The following ABCA12 variants were observed in gnomAD, a reference collection of about 807,000 sequenced individuals.
ABCA12 encodes the protein ATP binding cassette subfamily A member 12.
ABCA12 carries 156 observed loss-of-function variants against 293.5 expected under a neutral mutation model. That is an observed-to-expected ratio of 0.53 (90% CI 0.47 to 0.61). The LOEUF (loss-of-function observed/expected upper bound fraction) is 0.61. Ranked by LOEUF, ABCA12 falls within the 20% of genes least tolerant of loss-of-function variation. The probability of loss-of-function intolerance (pLI) is 0.00; values close to 1 mark genes in which losing one functional copy is unlikely to be tolerated. For missense variants in ABCA12, 2,797 were observed against 3,090.2 expected (o/e 0.91, Z 2.25); for synonymous variants, 1,063 against 1,108.0 (o/e 0.96, Z 0.81).
intron 26 of ABCA12, 75 bp downstream of exon 26, chr2:214,989,254 T>G: frequency 7.3e-7 from 1 of 1,371,654 alleles, no homozygotes; most frequent in Non-Finnish European, 9.7e-7. Context: ...AAATAAAATA[T>G]TAGAACATAT....
At chr2:214,981,081 T>C (rs1574959288) in intron 30 of ABCA12, among the ~76,000 whole-genome samples, 1 of 138,188 alleles carries the variant, frequency 7.2e-6, no homozygotes, top group African/African-American at 2.7e-5. Flanking sequence ...CGAGAGTCCA[T>C]CTCAAAGGGA....
intron 22 of ABCA12, among the ~76,000 whole-genome samples, chr2:214,998,777 G>A (rs1700085117): frequency 2.0e-5 from 3 of 152,110 alleles, no homozygotes; most frequent in Admixed American, 1.3e-4. Flanking sequence ...TGATGCTGCT[G>A]GTCCAGAGAC....
intron 40 of ABCA12, 104 bp downstream of exon 40, chr2:214,958,920 A>G: frequency 8.3e-7 from 1 of 1,209,774 alleles, no homozygotes; most frequent in South Asian, 1.2e-5. Context: ...GCCCTTCTAG[A>G]TTGACATTCA....
chr2:214,965,567 A>G lies in ABCA12; in HGVS notation c.5884+1281T>C, dbSNP rs536708350. 7.7e-4 allele frequency among the ~76,000 whole-genome samples: 117 copies of G among 152,300 alleles called. No homozygotes were observed. The Middle Eastern group carries it at 0.014, about 18-fold the overall frequency. On this transcript the variant is annotated intron_variant, in intron 39 of 52. Transcript: ENST00000272895. ...GGGAAGAAAACATTAAAAAGTGGGC[A>G]AAGGGCATGAACAGACACTTCTAAA...
intron 15 of ABCA12, 51 bp from the exon 16 acceptor site, chr2:215,012,186 T>C: frequency 6.4e-7 from 1 of 1,555,630 alleles, no homozygotes; most frequent in Non-Finnish European, 8.8e-7. Context: ...AATTGAATCC[T>C]CATGCATTGT....
chr2:214,950,354 A>G (rs114638207), intron 45 of ABCA12, among the ~76,000 whole-genome samples: 3,492 of 109,292 alleles, frequency 0.032, 149 homozygotes, highest in African/African-American at 0.093. Context: ...ATGTGTGTGT[A>G]TATATATATA....
chr2:215,059,994 A>C (rs1332012759), intron 3 of ABCA12, among the ~76,000 whole-genome samples: 1 of 151,962 alleles, frequency 6.6e-6, no homozygotes, highest in African/African-American at 2.4e-5. Flanking sequence ...GACACTCTTA[A>C]AAGCCTCTGA....
chr2:214,933,018 T>C (rs1424595245), intron 52 of ABCA12, among the ~76,000 whole-genome samples: 1 of 152,154 alleles, frequency 6.6e-6, no homozygotes, highest in Non-Finnish European at 1.5e-5. Context: ...TCTTAAGCCA[T>C]AGTTGACTAT....
chr2:215,069,985 G>T (rs1366878366), intron 2 of ABCA12, among the ~76,000 whole-genome samples: 1 of 152,178 alleles, frequency 6.6e-6, no homozygotes, highest in East Asian at 1.9e-4. Context: ...ACCCCTGGGG[G>T]AGTCCGAGGA....
Position 214,983,871 on chromosome 2 carries a change from A to G in ABCA12, c.4164-6T>C. On this transcript the variant is annotated splice_polypyrimidine_tract_variant and splice_region_variant and intron_variant, in intron 28 of 52. Coordinates refer to ENST00000272895, the MANE Select transcript of ABCA12 (RefSeq NM_173076.3). Reference sequence around the variant, plus strand: ...ACAGCCCAGTTAACATGGAACTGGAAATGAAGAAATGATAAATTAGGTATA... The same window carrying G: ...ACAGCCCAGTTAACATGGAACTGGAGATGAAGAAATGATAAATTAGGTATA... 6.2e-7 allele frequency: 1 copy of G among 1,611,864 alleles called. No homozygotes were observed. The highest frequency in any genetic ancestry group is 1.7e-4 in the Middle Eastern group (1 of 5,774).
Position 215,019,335 on chromosome 2 carries a change from C to A in ABCA12, c.1657+1G>T, listed in dbSNP as rs758568142. 1 of 1,606,288 alleles carries A rather than the reference C, an allele frequency of 6.2e-7. No homozygotes were observed. Among genetic ancestry groups the A allele is most frequent in the Non-Finnish European group, 8.5e-7 (1 of 1,174,666 alleles). On this transcript the variant is annotated splice_donor_variant, in intron 13 of 52. Transcript: ENST00000272895. LOFTEE classifies it high-confidence loss of function. ...GATTTAAAATGTGGATGGGGAAACACCTGGCTTTTCAGAAGCATCTGCACT... is the reference window on the plus strand; with the variant it reads ...GATTTAAAATGTGGATGGGGAAACAACTGGCTTTTCAGAAGCATCTGCACT...
rs74708259 is a variant in ABCA12, at chr2:215,071,055, G to A, written c.164-6836C>T. On this transcript the variant is annotated intron_variant, in intron 2 of 52. Transcript: ENST00000272895. ...CTCAAGAAAACCCACAAACTATCTCGGCATGCTGGTATGTGCCTGCAGTCC... is the reference window on the plus strand; with the variant it reads ...CTCAAGAAAACCCACAAACTATCTCAGCATGCTGGTATGTGCCTGCAGTCC... Among the ~76,000 whole-genome samples the A allele has an allele frequency of 8.6e-3, 1,309 of 151,396 alleles. 19 individuals are homozygous for A. Among genetic ancestry groups the A allele is most frequent in the African/African-American group, 0.03 (1,254 of 41,226 alleles).
At chr2:215,010,294 A>C in intron 18 of ABCA12, 37 bp downstream of exon 18, 1 of 1,612,060 alleles carries the variant, frequency 6.2e-7, no homozygotes. Context: ...AAAACATCTT[A>C]ATAGTCAAAA....
intron 1 of ABCA12, among the ~76,000 whole-genome samples, chr2:215,133,859 G>A (rs1031407552): frequency 3.3e-5 from 5 of 152,066 alleles, no homozygotes; most frequent in Admixed American, 3.3e-4. Context: ...GAATGTTAGA[G>A]AAAAAACTCA....
intron 4 of ABCA12, among the ~76,000 whole-genome samples, chr2:215,053,994 T>C (rs1158903984): frequency 6.6e-6 from 1 of 152,058 alleles, no homozygotes; most frequent in East Asian, 1.9e-4. Flanking sequence ...GAAGAGTCTC[T>C]GCACGTGAAA....
At chr2:214,956,625 C>A (rs763738855) in intron 42 of ABCA12, 38 bp downstream of exon 42, 2 of 1,447,076 alleles carry the variant, frequency 1.4e-6, no homozygotes, top group South Asian at 1.1e-5. Flanking sequence ...GCATTTAATT[C>A]TATTAATTCT....
intron 2 of ABCA12, among the ~76,000 whole-genome samples, chr2:215,110,979 C>T (rs1255250298): frequency 6.6e-6 from 1 of 152,220 alleles, no homozygotes; most frequent in African/African-American, 2.4e-5. Flanking sequence ...CCCTCATCCC[C>T]CTCAGTTCTG....
At chr2:215,080,541 A>G (rs1039949959) in intron 2 of ABCA12, among the ~76,000 whole-genome samples, 1 of 152,136 alleles carries the variant, frequency 6.6e-6, no homozygotes, top group African/African-American at 2.4e-5. Context: ...GAAATTTATC[A>G]TAGGATTTAT....
At chr2:215,007,154 C>T (rs1700273011) in intron 19 of ABCA12, among the ~76,000 whole-genome samples, 2 of 152,116 alleles carry the variant, frequency 1.3e-5, no homozygotes, top group Admixed American at 1.3e-4. Flanking sequence ...GGATTACAGG[C>T]GTGAGCTACC....
Sources: allele counts gnomAD v4.1 joint callset (sites outside exome capture counted in the v4.1 genomes callset), GRCh38; gene constraint gnomAD v4.1.1; transcripts MANE v1.5; gene names NCBI Gene and HGNC (gene_info 2026-07-23, HGNC 2026-07-21).